DAG1: variants seen among roughly 807,000 people sequenced by gnomAD.
DAG1 encodes the protein dystroglycan 1 (dystrophin-associated glycoprotein 1).
In DAG1, 8 loss-of-function variants were observed where a neutral mutation model predicts 46.1. The ratio of observed to expected loss-of-function variants is 0.17; its 90% CI spans 0.10 to 0.31. DAG1 has a LOEUF of 0.31. Ranked by LOEUF, DAG1 falls within the 10% of genes least tolerant of loss-of-function variation. DAG1 has a pLI of 1.00. For missense variants in DAG1, 1,003 were observed against 1,189.9 expected, an observed-to-expected ratio of 0.84 and a Z score of 2.31; for synonymous variants, 495 against 481.8, an observed-to-expected ratio of 1.03 and a Z score of -0.36.
chr3:49,480,629 C>T (rs2049851505), intron 1 of DAG1, among the ~76,000 whole-genome samples: 1 of 144,356 alleles, frequency 6.9e-6, no homozygotes, highest in Admixed American at 7.0e-5. Context: ...GTCCCTAATT[C>T]TTAGACAGTT....
intron 2 of DAG1, among the ~76,000 whole-genome samples, chr3:49,528,275 A>AT (rs147292984): frequency 0.019 from 1,293 of 66,578 alleles, 230 homozygotes; most frequent in African/African-American, 0.055. Flanking sequence ...AAATAGTGTG[A>AT]TTTTTTTTTT....
chr3:49,486,701 C>T (rs1364159552), intron 1 of DAG1, among the ~76,000 whole-genome samples: 1 of 151,980 alleles, frequency 6.6e-6, no homozygotes, highest in East Asian at 1.9e-4. Context: ...CAGGGTTTCA[C>T]CCTGTTGGCC....
chr3:49,483,783 T>C (rs2049946269), intron 1 of DAG1, among the ~76,000 whole-genome samples: 1 of 152,136 alleles, frequency 6.6e-6, no homozygotes, highest in Admixed American at 6.6e-5. Context: ...CAAGCAATCC[T>C]CCCACCTCAG....
rs1042532492 is a variant in DAG1 at position 49,489,250 on chromosome 3, G to A, written c.-117+18817G>A. 2.0e-5 allele frequency among the ~76,000 whole-genome samples: 3 copies of A among 152,158 alleles called. No homozygotes were observed. The East Asian group carries it at 5.8e-4, about 29-fold the overall frequency. ...TGGGATTACAGGCATGTGCCACCACGCCTGGCTAATTTTGTATTTTCAGTA... is the reference window on the plus strand; with the variant it reads ...TGGGATTACAGGCATGTGCCACCACACCTGGCTAATTTTGTATTTTCAGTA... On this transcript the variant is annotated intron_variant, in intron 1 of 2. Coordinates refer to ENST00000308775, the MANE Select transcript of DAG1 (RefSeq NM_004393.6).
Position 49,532,762 on chromosome 3 carries a change from C to A in DAG1, c.2251C>A (p.Leu751Met), listed in dbSNP as rs1553653673. 1.9e-6 allele frequency: 3 copies of A among 1,614,014 alleles called. No individual in the cohort carries two copies. In the East Asian group the frequency reaches 6.7e-5, roughly 36 times the overall value. The part of the protein sequence containing the change: ...PEKSSEDDVY[L>M]HTVIPAVVVA... Reference sequence around the variant, plus strand: ...GAAGAGCAGTGAGGATGATGTCTACCTGCACACAGTCATTCCGGCCGTGGT... The same window carrying A: ...GAAGAGCAGTGAGGATGATGTCTACATGCACACAGTCATTCCGGCCGTGGT... The change falls in exon 3 of 3, where the codon CTG becomes ATG. Residue 751 changes from leucine (L) to methionine (M), a missense_variant. By Grantham distance (15) the Leu-to-Met change is conservative. Around this residue, in one of 3 missense-constraint regions of DAG1, gnomAD observed 755 missense variants for 854.1 expected, o/e 0.88. Coordinates refer to ENST00000308775, the MANE Select transcript of DAG1 (RefSeq NM_004393.6). This position sits in a 1 kb window ranked among gnomAD's most constrained non-coding sequence, Gnocchi z 5.4.
chr3:49,500,646 T>G (rs534333336), intron 1 of DAG1, among the ~76,000 whole-genome samples: 1 of 152,340 alleles, frequency 6.6e-6, no homozygotes, highest in East Asian at 1.9e-4. Context: ...GAGCACTTCC[T>G]ACTCTCTTTT....
At chr3:49,476,356 G>A (rs180909310) in intron 1 of DAG1, among the ~76,000 whole-genome samples, 18 of 152,218 alleles carry the variant, frequency 1.2e-4, no homozygotes, top group South Asian at 6.2e-4. Context: ...TTGGGAGGCC[G>A]AGCCGTGTGG....
At chr3:49,496,924 C>T (rs539085964) in intron 1 of DAG1, among the ~76,000 whole-genome samples, 1 of 152,052 alleles carries the variant, frequency 6.6e-6, no homozygotes, top group African/African-American at 2.4e-5. Context: ...TATGCCTGGC[C>T]TAAATTTTTT....
At chr3:49,481,578 C>T (rs2049882219) in intron 1 of DAG1, among the ~76,000 whole-genome samples, 1 of 152,086 alleles carries the variant, frequency 6.6e-6, no homozygotes, top group Admixed American at 6.6e-5. Context: ...GACCTAGTCT[C>T]AGTGTTCCCT....
intron 2 of DAG1, among the ~76,000 whole-genome samples, chr3:49,526,594 G>C (rs907850569): frequency 6.6e-6 from 1 of 152,182 alleles, no homozygotes; most frequent in Non-Finnish European, 1.5e-5. Context: ...GCAGTCACCT[G>C]TGGTCCCAGC....
intron 2 of DAG1, chr3:49,511,076 G>C: frequency 1.4e-6 from 1 of 702,794 alleles, no homozygotes; most frequent in Non-Finnish European, 1.7e-6. Context: ...ACTGAACACT[G>C]ATTTAGGGAT....
intron 1 of DAG1, among the ~76,000 whole-genome samples, chr3:49,478,802 C>CTTTTTTTTTT (rs201202889): frequency 0.044 from 3,353 of 75,836 alleles, 341 homozygotes; most frequent in Non-Finnish European, 0.052. Context: ...CGTCCCCTCC[C>CTTTTTTTTTT]TTTTTTTTTT....
intron 1 of DAG1, among the ~76,000 whole-genome samples, chr3:49,476,451 C>T (rs977903785): frequency 1.3e-5 from 2 of 151,876 alleles, no homozygotes; most frequent in African/African-American, 4.8e-5. Flanking sequence ...ATTAGCTGGG[C>T]GTGGTGGCGC....
intron 1 of DAG1, among the ~76,000 whole-genome samples, chr3:49,478,413 A>G (rs190097850): frequency 8.3e-5 from 12 of 144,750 alleles, no homozygotes; most frequent in African/African-American, 1.5e-4. Flanking sequence ...TGGGCAACAA[A>G]GAGAGACCCT....
At position 49,510,524 on chromosome 3, in the gene DAG1, T is replaced by C. The variant is rs766686882; in HGVS notation, c.-11T>C. 25 of 1,612,360 alleles carry C rather than the reference T, an allele frequency of 1.6e-5. No homozygotes were observed. Among genetic ancestry groups the C allele is most frequent in the Non-Finnish European group, 1.9e-5 (23 of 1,179,976 alleles). ...AGCAAGACTATCGACTTGAGCAAAC[T>C]TGGACCTGGGATGAGGATGTCTGTG... On this transcript the variant is annotated 5_prime_UTR_variant, in exon 2 of 3. Coordinates refer to ENST00000308775, the MANE Select transcript of DAG1 (RefSeq NM_004393.6).
intron 1 of DAG1, among the ~76,000 whole-genome samples, chr3:49,489,156 C>CG (rs2050116232): frequency 6.6e-6 from 1 of 151,130 alleles, no homozygotes; most frequent in Non-Finnish European, 1.5e-5. Context: ...AGTGCAATGG[C>CG]GTGATCTTGG....
chr3:49,520,677 G>C (rs78795275), intron 2 of DAG1, among the ~76,000 whole-genome samples: 1 of 152,152 alleles, frequency 6.6e-6, no homozygotes, highest in Non-Finnish European at 1.5e-5. Flanking sequence ...ATGTCCAGAG[G>C]TATTGATGGA....
chr3:49,471,371 TC>T (rs1446271992), intron 1 of DAG1, among the ~76,000 whole-genome samples: 6 of 152,206 alleles, frequency 3.9e-5, no homozygotes, highest in Non-Finnish European at 7.3e-5. Flanking sequence ...TTTTGCAAAG[TC>T]TGGTGTAGAT....
At position 49,480,949 on chromosome 3, in the gene DAG1, GA is replaced by G. The variant is rs1386663033; in HGVS notation, c.-117+10517del. On this transcript the variant is annotated intron_variant, in intron 1 of 2. Coordinates refer to ENST00000308775, the MANE Select transcript of DAG1 (RefSeq NM_004393.6). ...GATAATTTTTTGTATTTTTAGTAGA[GA>G]GGGGGTTTCACCCTGTTAGCCAGGA... Among the ~76,000 whole-genome samples, 2 of 137,560 alleles carry G rather than the reference GA, an allele frequency of 1.5e-5. 1 individual carries two copies. Among genetic ancestry groups the G allele is most frequent in the Non-Finnish European group, 3.4e-5 (2 of 59,566 alleles). The allele number at this position is 137,560 out of a possible 152,430, so 90.2% of individuals were successfully genotyped here.
Sources: gnomAD v4.1 joint callset for allele counts (sites outside exome capture counted in the v4.1 genomes callset) on GRCh38, gnomAD v4.1.1 for gene constraint, gnomAD v4.1.1 regional missense constraint, Gnocchi (gnomAD v3.1) non-coding constraint, MANE v1.5 for transcripts, NCBI Gene and HGNC (gene_info 2026-07-23, HGNC 2026-07-21) for gene names.